Variants in WDR64 observed in about 807,000 individuals in gnomAD.
The protein encoded by WDR64 is WD repeat-containing protein 64.
Under a neutral mutation model 139.3 loss-of-function variants are expected in WDR64, and 112 were observed. The ratio of observed to expected loss-of-function variants is 0.80; its 90% CI spans 0.69 to 0.94. The LOEUF (loss-of-function observed/expected upper bound fraction) is 0.94, where lower values mean the gene tolerates loss of function less well. WDR64 is among the 40% of genes least tolerant of loss of function. The pLI is 0.00. For synonymous variants in WDR64, 444 were observed against 437.7 expected (o/e 1.01, Z -0.18); for missense variants, 1,206 against 1,293.1 (o/e 0.93, Z 1.03).
intron 12 of WDR64, among the ~76,000 whole-genome samples, chr1:241,743,371 G>A (rs1317610944): frequency 2.6e-5 from 4 of 152,038 alleles, no homozygotes; most frequent in South Asian, 2.1e-4. Context: ...TCAGGGACAC[G>A]CAGAGGTTAA....
At chr1:241,704,697 A>G (rs1229608514) in intron 8 of WDR64, among the ~76,000 whole-genome samples, 2 of 152,226 alleles carry the variant, frequency 1.3e-5, no homozygotes, top group African/African-American at 4.8e-5. Context: ...GGAAGTATGA[A>G]CACAATTCCA....
At chr1:241,728,471 A>C (rs1255025429) in intron 10 of WDR64, among the ~76,000 whole-genome samples, 2 of 152,188 alleles carry the variant, frequency 1.3e-5, no homozygotes, top group Non-Finnish European at 2.9e-5. Flanking sequence ...AGCTTTCATC[A>C]CATTAAGCAG....
rs187698371 is a variant in WDR64, at chr1:241,661,497, C to G, written c.276+837C>G. 3.5e-3 allele frequency among the ~76,000 whole-genome samples: 526 copies of G among 152,136 alleles called. 3 individuals carry two copies. Among genetic ancestry groups the G allele is most frequent in the African/African-American group, 0.012 (493 of 41,542 alleles). On this transcript the variant is annotated intron_variant, in intron 2 of 27. Coordinates refer to ENST00000437684, the MANE Select transcript of WDR64 (RefSeq NM_001367482.1). ...CAAAGTCTTTGAGGAATATTTAATT[C>G]CCATGTTGTATGCATGTTTCTATAA... is the stretch of plus-strand genomic sequence containing the variant.
intron 18 of WDR64, 61 bp from the exon 19 acceptor site, chr1:241,771,600 A>C (rs2148300529): frequency 8.0e-7 from 1 of 1,250,554 alleles, no homozygotes. Context: ...TTAATCACCC[A>C]GTATATCTCA....
intron 15 of WDR64, among the ~76,000 whole-genome samples, chr1:241,757,914 T>C (rs962538850): frequency 7.9e-5 from 12 of 152,142 alleles, no homozygotes; most frequent in Admixed American, 6.5e-4. Flanking sequence ...TTAAAAATAA[T>C]TTGTAAGAAG....
At chr1:241,800,746 GTTA>G in intron 27 of WDR64, among the ~76,000 whole-genome samples, 1 of 152,158 alleles carries the variant, frequency 6.6e-6, no homozygotes, top group East Asian at 1.9e-4. Context: ...CGACTCTGAT[GTTA>G]TTAATCTGCA....
At chr1:241,670,900 T>C (rs1462161542) in intron 2 of WDR64, among the ~76,000 whole-genome samples, 174 bp from the exon 3 acceptor site, 1 of 152,164 alleles carries the variant, frequency 6.6e-6, no homozygotes, top group Non-Finnish European at 1.5e-5. Context: ...GTCAAGAAGG[T>C]TGGGGACTGC....
intron 10 of WDR64, among the ~76,000 whole-genome samples, chr1:241,733,406 T>C (rs923293520): frequency 2.0e-5 from 3 of 151,410 alleles, no homozygotes; most frequent in African/African-American, 4.9e-5. Flanking sequence ...ACCCGGGAGA[T>C]GGAGGTTGCA....
chr1:241,687,808 C>T (rs77812560), intron 8 of WDR64, among the ~76,000 whole-genome samples: 9,455 of 152,152 alleles, frequency 0.062, 427 homozygotes, highest in South Asian at 0.13. Flanking sequence ...TCAACTGTGC[C>T]CATTTGTTGT....
At chr1:241,751,447 C>A (rs1370985241) in intron 14 of WDR64, among the ~76,000 whole-genome samples, 1 of 152,094 alleles carries the variant, frequency 6.6e-6, no homozygotes, top group South Asian at 2.1e-4. Flanking sequence ...AGATTCCCAG[C>A]TGCCTTAAAA....
At chr1:241,753,377 T>G (rs1670048955) in intron 14 of WDR64, among the ~76,000 whole-genome samples, 1 of 152,156 alleles carries the variant, frequency 6.6e-6, no homozygotes, top group South Asian at 2.1e-4. Context: ...AAATTAAAAA[T>G]TAATGGCCTC....
At chr1:241,733,776 C>T (rs1162497581) in intron 10 of WDR64, among the ~76,000 whole-genome samples, 2 of 151,962 alleles carry the variant, frequency 1.3e-5, no homozygotes, top group Non-Finnish European at 2.9e-5. Flanking sequence ...ATATCTCTGT[C>T]GTAAAGCCAC....
chr1:241,790,000 C>A (rs529317439), intron 24 of WDR64, among the ~76,000 whole-genome samples: 8 of 152,262 alleles, frequency 5.3e-5, no homozygotes, highest in African/African-American at 1.7e-4. Flanking sequence ...AAAGCGGTTT[C>A]CTAGTTCCTA....
intron 17 of WDR64, among the ~76,000 whole-genome samples, chr1:241,769,726 C>T (rs902303472): frequency 6.6e-6 from 1 of 152,188 alleles, no homozygotes; most frequent in Admixed American, 6.5e-5. Flanking sequence ...TGAGGTTCTC[C>T]TCAGGGATTT....
At chr1:241,793,041 AC>A (rs1659253496) in intron 25 of WDR64, among the ~76,000 whole-genome samples, 1 of 152,190 alleles carries the variant, frequency 6.6e-6, no homozygotes, top group South Asian at 2.1e-4. Flanking sequence ...AATACTATAG[AC>A]CTGTGAAAAT....
intron 21 of WDR64, 54 bp downstream of exon 21, chr1:241,775,264 T>A: frequency 7.0e-7 from 1 of 1,431,062 alleles, no homozygotes; most frequent in Non-Finnish European, 9.5e-7. Context: ...GCTTACCTGA[T>A]ATAAAAATGG....
At chr1:241,700,198 C>T (rs1358720477) in intron 8 of WDR64, among the ~76,000 whole-genome samples, 4 of 147,434 alleles carry the variant, frequency 2.7e-5, no homozygotes, top group African/African-American at 1.0e-4. Context: ...ATATTTATTG[C>T]GTACCTATTT....
chr1:241,753,868 G>A (rs1670072750), intron 14 of WDR64, among the ~76,000 whole-genome samples: 1 of 152,052 alleles, frequency 6.6e-6, no homozygotes, highest in Non-Finnish European at 1.5e-5. Context: ...AATAAATGGA[G>A]AGATATACCA....
intron 4 of WDR64, 46 bp downstream of exon 4, chr1:241,674,793 A>C: frequency 8.3e-7 from 1 of 1,211,516 alleles, no homozygotes; most frequent in Non-Finnish European, 1.2e-6. Flanking sequence ...TTTTACAATA[A>C]CCAGGTAATT....
Sources: allele counts gnomAD v4.1 joint callset (sites outside exome capture counted in the v4.1 genomes callset), GRCh38; gene constraint gnomAD v4.1.1; transcripts MANE v1.5; gene names NCBI Gene and HGNC (gene_info 2026-07-23, HGNC 2026-07-21).